The following ZNF785 variants were observed in gnomAD, a reference collection of about 807,000 sequenced individuals.
ZNF785 encodes zinc finger protein 785.
Under a neutral mutation model 11.3 loss-of-function variants are expected in ZNF785, and 15 were observed. The ratio of observed to expected loss-of-function variants is 1.32; its 90% CI spans 0.89 to 2.04. The LOEUF is 2.04. Ranked by LOEUF, ZNF785 falls within the 30% of genes most tolerant of loss-of-function variation. The pLI is 0.00. For synonymous variants in ZNF785, 221 were observed against 231.0 expected, an observed-to-expected ratio of 0.96 and a Z score of 0.39; for missense variants, 572 against 560.9, an observed-to-expected ratio of 1.02 and a Z score of -0.20.
Position 30,583,189 on chromosome 16 carries a change from C to G in ZNF785, c.589G>C (p.Glu197Gln). 1 of 1,614,052 alleles carries G rather than the reference C, an allele frequency of 6.2e-7. No homozygotes were observed. Among genetic ancestry groups the G allele is most frequent in the Non-Finnish European group, 8.5e-7 (1 of 1,179,994 alleles). The change falls in exon 3 of 3, where the codon GAG becomes CAG. Residue 197 changes from glutamate (E) to glutamine (Q), a missense_variant. By Grantham distance (29) the Glu-to-Gln change is conservative. Transcript: ENST00000395216. Reference sequence around the variant, plus strand: ...CACTGGCCGCAGGAGAAGGGCCGCTCCCCGGAGTGGACCCGCTGGTGGCTG... The same window carrying G: ...CACTGGCCGCAGGAGAAGGGCCGCTGCCCGGAGTGGACCCGCTGGTGGCTG... ...LASHQRVHSG[E>Q]RPFSCGQCQA...
Position 30,582,722 on chromosome 16 carries a change from C to A in ZNF785, c.1056G>T (p.Lys352Asn), listed in dbSNP as rs1307906456. 6.2e-7 allele frequency: 1 copy of A among 1,612,844 alleles called. No homozygotes were observed. The highest frequency in any genetic ancestry group is 8.5e-7 in the Non-Finnish European group (1 of 1,179,284). The change falls in exon 3 of 3, where the codon AAG becomes AAT. Residue 352 changes from lysine (K) to asparagine (N), a missense_variant. By Grantham distance (94) the Lys-to-Asn change is moderately conservative. Coordinates refer to ENST00000395216, the MANE Select transcript of ZNF785 (RefSeq NM_152458.7). Reference protein sequence around the residue: ...CVECGKGFKRKTALEAHRWIH... With the variant: ...CVECGKGFKRNTALEAHRWIH... ...TCCACCGATGGGCTTCCAGGGCGGT[C>A]TTGCGCTTGAAGCCTTTCCCACACT...
downstream of ZNF785, chr16:30,579,204 G>A (rs2051775688): frequency 6.5e-6 from 1 of 152,766 alleles, no homozygotes; most frequent in Non-Finnish European, 1.5e-5. Context: ...ATAAATGAAT[G>A]GATAGAGGGA....
At chr16:30,579,143 G>A (rs961428482), downstream of ZNF785, 1 of 152,318 alleles carries the variant, frequency 6.6e-6, no homozygotes, top group Non-Finnish European at 1.5e-5. Flanking sequence ...GTGTTTAGAA[G>A]TGAAATGTAA....
rs775785793 is a variant in ZNF785, at chr16:30,582,898, C to A, written c.880G>T (p.Ala294Ser). The part of the protein sequence containing the change: ...YSCPDCSLRF[A>S]YTSLLAIHRR... ...TGGATGGCCAGCAGGGAGGTGTAGGCGAAACGGAGGCTGCAATCGGGGCAG... is the reference window on the plus strand; with the variant it reads ...TGGATGGCCAGCAGGGAGGTGTAGGAGAAACGGAGGCTGCAATCGGGGCAG... Residue 294 changes from alanine (A) to serine (S), a missense_variant, in exon 3 of 3, where the codon GCC becomes TCC. Physicochemically the swap from Ala to Ser is moderately conservative, Grantham distance 99. Transcript: ENST00000395216. 22 of 1,610,676 alleles carry A rather than the reference C, an allele frequency of 1.4e-5. No homozygotes were observed. In the Middle Eastern group the frequency reaches 5.0e-4, roughly 36 times the overall value.
rs1233838076 is a variant in ZNF785, at chr16:30,581,214, C to T, written c.*1346G>A. 6.6e-6 allele frequency: 1 copy of T among 152,246 alleles called. No individual in the cohort carries two copies. The highest frequency in any genetic ancestry group is 1.5e-5 in the Non-Finnish European group (1 of 68,220). The allele number at this position is 152,246 out of a possible 1,614,324, so 9.4% of individuals were successfully genotyped here. A position where few individuals can be genotyped will look rare whatever the true frequency, so the allele number is the denominator to read the frequency against. On this transcript the variant is annotated 3_prime_UTR_variant, in exon 3 of 3. Transcript: ENST00000395216. Reference sequence around the variant, plus strand: ...GTGGCTCACGCCTGTAATCCCAGCACTTTGGGAGGCCGAGGCGGGAGGATC... The same window carrying T: ...GTGGCTCACGCCTGTAATCCCAGCATTTTGGGAGGCCGAGGCGGGAGGATC...
In ZNF785 at chr16:30,581,738, G is replaced by A. The variant is rs9934806; in HGVS notation, c.*822C>T. 0.15 allele frequency: 23,066 copies of A among 152,138 alleles called. 2,240 individuals are homozygous for A. The highest frequency in any genetic ancestry group is 0.27 in the African/African-American group (11,327 of 41,480). 9.4% of individuals were successfully genotyped at this position (152,138 alleles called of 1,614,324 possible). A position where few individuals can be genotyped will look rare whatever the true frequency, so the allele number is the denominator to read the frequency against. ...GCCACCTCTAGGTCTTCAAGACCAA[G>A]GAACACCTACACTCCAGGTGTCTCC... is the stretch of plus-strand genomic sequence containing the variant. On this transcript the variant is annotated 3_prime_UTR_variant, in exon 3 of 3. Transcript: ENST00000395216.
At chr16:30,579,637 C>T (rs1056262674), downstream of ZNF785, 48 of 364,012 alleles carry the variant, frequency 1.3e-4, 1 homozygote, top group Non-Finnish European at 2.2e-5. Flanking sequence ...GCCTCAGCCT[C>T]CCACAGTGCT....
Position 30,582,899 on chromosome 16 carries a change from G to A in ZNF785, c.879C>T (p.Phe293=). Reference sequence around the variant, plus strand: ...GGATGGCCAGCAGGGAGGTGTAGGCGAAACGGAGGCTGCAATCGGGGCAGC... The same window carrying A: ...GGATGGCCAGCAGGGAGGTGTAGGCAAAACGGAGGCTGCAATCGGGGCAGC... The part of the protein sequence containing the change: ...PYSCPDCSLR[F]AYTSLLAIHR... Residue 293 remains phenylalanine, a synonymous_variant, in exon 3 of 3, where the codon TTC becomes TTT. Coordinates refer to ENST00000395216, the MANE Select transcript of ZNF785 (RefSeq NM_152458.7). 1 of 1,613,848 alleles carries A rather than the reference G, an allele frequency of 6.2e-7. No individual in the cohort carries two copies. Among genetic ancestry groups the A allele is most frequent in the East Asian group, 2.2e-5 (1 of 44,878 alleles).
chr16:30,583,269 A>G lies in ZNF785; in HGVS notation c.509T>C (p.Leu170Pro). The G allele has an allele frequency of 6.2e-7, 1 of 1,613,832 alleles. No homozygotes were observed. The highest frequency in any genetic ancestry group is 1.3e-5 in the African/African-American group (1 of 75,058). The change falls in exon 3 of 3, where the codon CTG becomes CCG. Residue 170 changes from leucine (L) to proline (P), a missense_variant. Transcript: ENST00000395216. ...GCCACAGTCTGGGCAAGAGTGGGGC[A>G]GTCTTCGGGTCAGAGTGTCCTTGAG... ...PWLKDTLTRR[L>P]PHSCPDCGRN...
Position 30,581,568 on chromosome 16 carries a change from T to C in ZNF785, c.*992A>G, listed in dbSNP as rs2051810033. 2 of 151,850 alleles carry C rather than the reference T, an allele frequency of 1.3e-5. No individual in the cohort carries two copies. Among genetic ancestry groups the C allele is most frequent in the Non-Finnish European group, 2.9e-5 (2 of 67,976 alleles). 9.4% of individuals were successfully genotyped at this position (151,850 alleles called of 1,614,324 possible). A position where few individuals can be genotyped will look rare whatever the true frequency, so the allele number is the denominator to read the frequency against. ...AAAATCCAGGGAACATGCAAATATCTGAAGAAGAAAAAAACACTGCAATCA... is the reference window on the plus strand; with the variant it reads ...AAAATCCAGGGAACATGCAAATATCCGAAGAAGAAAAAAACACTGCAATCA... On this transcript the variant is annotated 3_prime_UTR_variant, in exon 3 of 3. Transcript: ENST00000395216.
Position 30,582,084 on chromosome 16 carries a change from C to CA in ZNF785, c.*475dup, listed in dbSNP as rs1199988889. 18 of 157,806 alleles carry CA rather than the reference C, an allele frequency of 1.1e-4. No homozygotes were observed. Among genetic ancestry groups the CA allele is most frequent in the Non-Finnish European group, 1.9e-4 (14 of 72,772 alleles). 9.8% of individuals were successfully genotyped at this position (157,806 alleles called of 1,614,324 possible). A position where few individuals can be genotyped will look rare whatever the true frequency, so the allele number is the denominator to read the frequency against. On this transcript the variant is annotated 3_prime_UTR_variant, in exon 3 of 3. Coordinates refer to ENST00000395216, the MANE Select transcript of ZNF785 (RefSeq NM_152458.7). ...TGGGCGACAGAGCATGACTCCATCT[C>CA]AAAAAAAAGAAAAGAATCCTGGGAT...
In ZNF785 at chr16:30,583,200, A is replaced by AC; in HGVS notation, c.577dup (p.Val193GlyfsTer124). On this transcript the variant is annotated frameshift_variant, in exon 3 of 3. Coordinates refer to ENST00000395216, the MANE Select transcript of ZNF785 (RefSeq NM_152458.7). LOFTEE classifies it low-confidence loss of function (END_TRUNC). ...GGAGAAGGGCCGCTCCCCGGAGTGG[A>AC]CCCGCTGGTGGCTGGCCAGGAGGGA... 1 of 1,613,712 alleles carries AC rather than the reference A, an allele frequency of 6.2e-7. No individual in the cohort carries two copies. Among genetic ancestry groups the AC allele is most frequent in the Middle Eastern group, 1.6e-4 (1 of 6,062 alleles).
Position 30,582,826 on chromosome 16 carries a change from C to T in ZNF785, c.952G>A (p.Gly318Ser), listed in dbSNP as rs1428306067. The T allele has an allele frequency of 1.9e-5, 30 of 1,608,412 alleles. No homozygotes were observed. Among genetic ancestry groups the T allele is most frequent in the Non-Finnish European group, 2.4e-5 (28 of 1,176,428 alleles). The change falls in exon 3 of 3, where the codon GGC becomes AGC. Residue 318 changes from glycine (G) to serine (S), a missense_variant. Transcript: ENST00000395216. ...GEKPYPCPDC[G>S]RRFTYSSLLL... ...AGGGAAGAATAGGTGAAGCGGCGGCCGCAGTCAGGACAGGGGTAGGGCTTC... is the reference window on the plus strand; with the variant it reads ...AGGGAAGAATAGGTGAAGCGGCGGCTGCAGTCAGGACAGGGGTAGGGCTTC...
chr16:30,583,095 T>C lies in ZNF785; in HGVS notation c.683A>G (p.Tyr228Cys). 4 of 1,613,976 alleles carry C rather than the reference T, an allele frequency of 2.5e-6. No individual in the cohort carries two copies. Among genetic ancestry groups the C allele is most frequent in the Non-Finnish European group, 3.4e-6 (4 of 1,179,962 alleles). ...GCGGCGCCCGCAGTCGGGGCAGGGGTAGGGCTTCTCGCCGGTGTGGATGAA... is the reference window on the plus strand; with the variant it reads ...GCGGCGCCCGCAGTCGGGGCAGGGGCAGGGCTTCTCGCCGGTGTGGATGAA... ...HQFIHTGEKPYPCPDCGRRFR... is the reference protein window; with the variant it reads ...HQFIHTGEKPCPCPDCGRRFR... The change falls in exon 3 of 3, where the codon TAC becomes TGC. Residue 228 changes from tyrosine to cysteine, a missense_variant. Coordinates refer to ENST00000395216, the MANE Select transcript of ZNF785 (RefSeq NM_152458.7).
In ZNF785 at chr16:30,585,613, G is replaced by A. The variant is rs900928947; in HGVS notation, c.-2C>T. ...GCGCGGCGCCAGGGGCGGCCCCATG[G>A]GAAACCCTTTCTGCCTGGCAAAGGG... On this transcript the variant is annotated 5_prime_UTR_variant, in exon 1 of 3. Transcript: ENST00000395216. The surrounding 1 kb of genome is among the most constrained non-coding windows in gnomAD (Gnocchi z 4.0). 2.7e-6 allele frequency: 4 copies of A among 1,480,980 alleles called. No homozygotes were observed. The South Asian group carries it at 5.4e-5, about 20-fold the overall frequency. 91.7% of individuals were successfully genotyped at this position (1,480,980 alleles called of 1,614,324 possible). A position where few individuals can be genotyped will look rare whatever the true frequency, so the allele number is the denominator to read the frequency against.
Position 30,583,313 on chromosome 16 carries a change from C to T in ZNF785, c.465G>A (p.Gln155=), listed in dbSNP as rs766837050. 7 of 1,613,960 alleles carry T rather than the reference C, an allele frequency of 4.3e-6. No individual in the cohort carries two copies. The highest frequency in any genetic ancestry group is 2.7e-5 in the African/African-American group (2 of 74,940). ...VACPEFCNPR[Q]SPMNPWLKDT... ...CCTTGAGCCAGGGATTCATGGGGCT[C>T]TGCCTAGGGTTGCAGAACTCTGGGC... Residue 155 remains glutamine (Q), a synonymous_variant, in exon 3 of 3, where the codon CAG becomes CAA. Transcript: ENST00000395216.
Position 30,583,346 on chromosome 16 carries a change from G to A in ZNF785, c.432C>T (p.Ser144=), listed in dbSNP as rs752749276. ...HEVAVKEWWP[S]VACPEFCNPR... ...GGTTGCAGAACTCTGGGCAGGCGAC[G>A]CTGGGCCACCACTCCTTGACAGCCA... Residue 144 remains serine, a synonymous_variant, in exon 3 of 3, where the codon AGC becomes AGT. Transcript: ENST00000395216. The A allele has an allele frequency of 5.0e-6, 8 of 1,613,672 alleles. No individual in the cohort carries two copies. The highest frequency in any genetic ancestry group is 5.9e-6 in the Non-Finnish European group (7 of 1,179,720).
downstream of ZNF785, chr16:30,579,939 G>C (rs2051784920): frequency 2.2e-6 from 1 of 444,980 alleles, no homozygotes; most frequent in Non-Finnish European, 4.5e-6. Flanking sequence ...CCAGGCTGGA[G>C]TGCAGTGGCG....
Position 30,585,304 on chromosome 16 carries a change from C to T in ZNF785, c.206-54G>A. 1 of 1,600,306 alleles carries T rather than the reference C, an allele frequency of 6.2e-7. No homozygotes were observed. Among genetic ancestry groups the T allele is most frequent in the Non-Finnish European group, 8.5e-7 (1 of 1,173,760 alleles). ...GAGCGCACGGGAGGGGAGAATGAGA[C>T]TGCTCCCTCGGCGCCCCGCTTCCAG... On this transcript the variant is annotated intron_variant, in intron 1 of 2. Transcript: ENST00000395216. The surrounding 1 kb of genome is among the most constrained non-coding windows in gnomAD (Gnocchi z 4.0).
Sources: gnomAD v4.1 joint callset for allele counts on GRCh38, gnomAD v4.1.1 for gene constraint, Gnocchi (gnomAD v3.1) non-coding constraint, MANE v1.5 for transcripts, NCBI Gene and HGNC (gene_info 2026-07-23, HGNC 2026-07-21) for gene names.